The following MTFR1 variants were observed in gnomAD, a reference collection of about 807,000 sequenced individuals.
MTFR1 encodes chondrocyte protein with a poly-proline region.
In MTFR1, 28 loss-of-function variants were observed where a neutral mutation model predicts 38.8. The ratio of observed to expected loss-of-function variants is 0.72; its 90% CI spans 0.53 to 0.99. The LOEUF is 0.99. MTFR1 is among the 50% of genes least tolerant of loss of function. MTFR1 has a pLI of 0.00. For synonymous variants in MTFR1, 145 were observed against 137.0 expected, an observed-to-expected ratio of 1.06 and a Z score of -0.41; for missense variants, 358 against 395.5, an observed-to-expected ratio of 0.91 and a Z score of 0.81.
At chr8:65,745,563 GTGAT>G in intron 3 of MTFR1, 1 of 704,498 alleles carries the variant, frequency 1.4e-6, no homozygotes, top group South Asian at 1.8e-5. Flanking sequence ...AAAATGTAAA[GTGAT>G]TGATTTACTT....
intron 2 of MTFR1, chr8:65,719,327 T>C (rs1394775261): frequency 8.1e-6 from 13 of 1,613,874 alleles, no homozygotes; most frequent in Non-Finnish European, 1.1e-5. Flanking sequence ...TAACTGTGAG[T>C]TCAACTCAAA....
intron 2 of MTFR1, among the ~76,000 whole-genome samples, chr8:65,680,653 A>G (rs1804851574): frequency 6.6e-6 from 1 of 152,116 alleles, no homozygotes; most frequent in African/African-American, 2.4e-5. Flanking sequence ...GTTTGTTTAT[A>G]TTGGGGTAAT....
chr8:65,688,230 A>G (rs62507608), intron 3 of MTFR1, among the ~76,000 whole-genome samples: 56,313 of 147,896 alleles, frequency 0.38, 13,662 homozygotes, highest in Non-Finnish European at 0.56. Flanking sequence ...TGAAACCTCA[A>G]CTCTATTAAA....
chr8:65,744,588 G>A (rs1043402836), intron 3 of MTFR1, among the ~76,000 whole-genome samples: 6 of 152,040 alleles, frequency 3.9e-5, no homozygotes, highest in Non-Finnish European at 8.8e-5. Context: ...TCTGATAAGC[G>A]CTCTTAAAGA....
chr8:65,682,550 C>A, intron 3 of MTFR1, 99 bp downstream of exon 3: 2 of 680,194 alleles, frequency 2.9e-6, no homozygotes, highest in Non-Finnish European at 4.0e-6. Flanking sequence ...TGAGACTTTT[C>A]ACCAATTGAT....
intron 3 of MTFR1, among the ~76,000 whole-genome samples, chr8:65,767,001 A>AAACAAC (rs149118435): frequency 1.0e-3 from 152 of 150,974 alleles, no homozygotes; most frequent in South Asian, 4.4e-3. Context: ...TGCTCATTCA[A>AAACAAC]AACAACAACA....
In MTFR1 at chr8:65,682,422, C is replaced by T. The variant is rs1295453746; in HGVS notation, c.136C>T (p.Leu46=). The T allele has an allele frequency of 6.4e-7, 1 of 1,561,682 alleles. No individual in the cohort carries two copies. Among genetic ancestry groups the T allele is most frequent in the African/African-American group, 1.4e-5 (1 of 73,022 alleles). ...IVRKIGTNLS[L]IQCPRVQFQI... ...AAGGAAAATTGGTACTAATTTGTCT[C>T]TGATTCAGTGTCCAAGAGTTCAGTT... The change falls in exon 3 of 8, where the codon CTG becomes TTG. Residue 46 remains leucine, a synonymous_variant. Transcript: ENST00000262146.
rs1805900708 is a variant in MTFR1, at chr8:65,710,105, CTT to C, written c.*1062_*1063del. On this transcript the variant is annotated 3_prime_UTR_variant, in exon 8 of 8. Transcript: ENST00000262146. The stretch of plus-strand genomic sequence containing the variant: ...ATTATTTTTTAAATGCTTTATAAAT[CTT>C]CATGGTTTTTCTATTTCTGATACAC... 6.6e-6 allele frequency: 1 copy of C among 152,078 alleles called. No individual in the cohort carries two copies. Among genetic ancestry groups the C allele is most frequent in the Non-Finnish European group, 1.5e-5 (1 of 68,008 alleles). 9.4% of individuals were successfully genotyped at this position (152,078 alleles called of 1,614,324 possible).
intron 5 of MTFR1, among the ~76,000 whole-genome samples, chr8:65,705,396 G>T (rs952648481): frequency 2.0e-5 from 3 of 152,174 alleles, no homozygotes; most frequent in Admixed American, 2.0e-4. Flanking sequence ...ACCAGGTCAG[G>T]TTTAGATGGT....
chr8:65,703,202 C>A (rs984882699), intron 4 of MTFR1, among the ~76,000 whole-genome samples: 5 of 151,430 alleles, frequency 3.3e-5, no homozygotes, highest in African/African-American at 1.2e-4. Flanking sequence ...CATTGTGAGA[C>A]CCTGTCTCTT....
At chr8:65,682,708 C>T (rs565727978) in intron 3 of MTFR1, 133 of 914,658 alleles carry the variant, frequency 1.5e-4, no homozygotes, top group Admixed American at 2.5e-4. Flanking sequence ...ATAAGCTAAG[C>T]AGTTGTTAAT....
intron 3 of MTFR1, among the ~76,000 whole-genome samples, chr8:65,730,458 G>T (rs907224927): frequency 6.6e-6 from 1 of 151,888 alleles, no homozygotes; most frequent in Admixed American, 6.6e-5. Context: ...GGGATTACAG[G>T]TGTGAGCCAC....
chr8:65,777,513 G>A, the MTFR1 span, among the ~76,000 whole-genome samples: 1,332 of 152,170 alleles, frequency 8.8e-3, 28 homozygotes, highest in East Asian at 0.074. Context: ...TTGATAATAT[G>A]TTATTTAGGA....
intron 2 of MTFR1, among the ~76,000 whole-genome samples, chr8:65,677,826 G>A (rs1212479777): frequency 6.6e-6 from 1 of 151,122 alleles, no homozygotes; most frequent in Non-Finnish European, 1.5e-5. Flanking sequence ...GACCATCCTG[G>A]CCAACATGGT....
intron 3 of MTFR1, chr8:65,723,694 C>T: frequency 9.9e-7 from 1 of 1,012,832 alleles, no homozygotes; most frequent in East Asian, 3.2e-5. Context: ...AAGGCTTGAA[C>T]ATACCTGTGC....
In MTFR1 at chr8:65,682,551, A is replaced by G. The variant is rs143999793; in HGVS notation, c.165+100A>G. The G allele has an allele frequency of 2.2e-4, 147 of 670,352 alleles. No individual in the cohort carries two copies. In the African/African-American group the frequency reaches 2.5e-3, roughly 12 times the overall value. The allele number at this position is 670,352 out of a possible 1,614,324, so 41.5% of individuals were successfully genotyped here. The stretch of plus-strand genomic sequence containing the variant: ...AAGCATTTTGTTTTTGAGACTTTTC[A>G]CCAATTGATGCCACTATCAATACAA... On this transcript the variant is annotated intron_variant, in intron 3 of 7. Coordinates refer to ENST00000262146, the MANE Select transcript of MTFR1 (RefSeq NM_014637.4).
intron 3 of MTFR1, chr8:65,723,630 TAAAA>T (rs745861177): frequency 2.0e-5 from 31 of 1,522,562 alleles, no homozygotes; most frequent in Non-Finnish European, 2.7e-5. Context: ...TCCTATAAAT[TAAAA>T]AAAGAGAAGT....
intron 3 of MTFR1, chr8:65,739,544 C>T (rs1017448700): frequency 6.4e-7 from 1 of 1,567,708 alleles, no homozygotes; most frequent in Non-Finnish European, 8.6e-7. Flanking sequence ...TGGAAGTACT[C>T]AATTAATCCA....
At chr8:65,703,502 C>T (rs139369187) in intron 4 of MTFR1, among the ~76,000 whole-genome samples, 1 of 122,952 alleles carries the variant, frequency 8.1e-6, no homozygotes, top group African/African-American at 3.1e-5. Context: ...GGCGTGATCT[C>T]GGCTCACTGC....
Sources: allele counts gnomAD v4.1 joint callset (sites outside exome capture counted in the v4.1 genomes callset), GRCh38; gene constraint gnomAD v4.1.1; transcripts MANE v1.5; gene names NCBI Gene and HGNC (gene_info 2026-07-23, HGNC 2026-07-21).